AFAP1: variants seen among roughly 807,000 people sequenced by gnomAD.
AFAP1 encodes the protein actin filament-associated protein 1.
AFAP1 carries 75 observed loss-of-function variants against 93.9 expected under a neutral mutation model. The ratio of observed to expected loss-of-function variants is 0.80; its 90% confidence interval spans 0.66 to 0.97. AFAP1 has a LOEUF of 0.97. Among genes scored for constraint, AFAP1 ranks in the 50% least tolerant of loss-of-function variants. The pLI is 0.00. For missense variants in AFAP1, 1,201 were observed against 1,050.8 expected (o/e 1.14, Z -1.98); for synonymous variants, 517 against 430.7 (o/e 1.20, Z -2.48).
At chr4:7,818,142 A>T (rs1720647811) in intron 7 of AFAP1, among the ~76,000 whole-genome samples, 1 of 152,130 alleles carries the variant, frequency 6.6e-6, no homozygotes, top group Non-Finnish European at 1.5e-5. Context: ...GCCTCCTCCA[A>T]TCATTTCAGG....
rs530346772 is a variant in AFAP1 at position 7,851,469 on chromosome 4, A to C, written c.334+3997T>G. On this transcript the variant is annotated intron_variant, in intron 4 of 17. Transcript: ENST00000420658. ...GGAATATGATTAAAAAACAGGTAACAAACAACTGGTCTGCAGAAGATGCTG... is the reference window on the plus strand; with the variant it reads ...GGAATATGATTAAAAAACAGGTAACCAACAACTGGTCTGCAGAAGATGCTG... Among the ~76,000 whole-genome samples, 8 of 152,306 alleles carry C rather than the reference A, an allele frequency of 5.3e-5. No individual in the cohort carries two copies. The South Asian group carries it at 8.3e-4, about 16-fold the overall frequency.
At chr4:7,869,804 G>A (rs1283129955) in intron 2 of AFAP1, among the ~76,000 whole-genome samples, 1 of 151,914 alleles carries the variant, frequency 6.6e-6, no homozygotes, top group Non-Finnish European at 1.5e-5. Context: ...AACTTCGTTA[G>A]AGAACTGCAA....
intron 1 of AFAP1, among the ~76,000 whole-genome samples, chr4:7,898,267 G>A (rs889084852): frequency 6.6e-6 from 1 of 152,250 alleles, no homozygotes; most frequent in Admixed American, 6.5e-5. Context: ...AATTAGCCGA[G>A]CATGGTGGTA....
At position 7,763,441 on chromosome 4, in the gene AFAP1, T is replaced by A. The variant is rs1030172814; in HGVS notation, c.*324A>T. The A allele has an allele frequency of 3.2e-6, 1 of 310,878 alleles. No individual in the cohort carries two copies. Among genetic ancestry groups the A allele is most frequent in the Non-Finnish European group, 5.9e-6 (1 of 168,630 alleles). 19.3% of individuals were successfully genotyped at this position (310,878 alleles called of 1,614,324 possible). A position where few individuals can be genotyped will look rare whatever the true frequency, so the allele number is the denominator to read the frequency against. On this transcript the variant is annotated 3_prime_UTR_variant, in exon 18 of 18. Transcript: ENST00000420658. Reference sequence around the variant, plus strand: ...CATCCATCCTCAGTCCAGGGCTGGGTTGGAATCGGTGAAAGCAATGGCCTA... The same window carrying A: ...CATCCATCCTCAGTCCAGGGCTGGGATGGAATCGGTGAAAGCAATGGCCTA...
intron 15 of AFAP1, chr4:7,773,305 T>G: frequency 2.8e-6 from 1 of 359,826 alleles, no homozygotes; most frequent in East Asian, 5.8e-5. Context: ...TTTTAAAACG[T>G]GGACCCTAAA....
intron 5 of AFAP1, among the ~76,000 whole-genome samples, chr4:7,840,520 G>A (rs1712886963): frequency 6.6e-6 from 1 of 152,050 alleles, no homozygotes; most frequent in Non-Finnish European, 1.5e-5. Flanking sequence ...CACCAGATTG[G>A]CCAGGCTGGT....
intron 1 of AFAP1, among the ~76,000 whole-genome samples, chr4:7,932,099 C>T (rs1034442612): frequency 1.3e-5 from 2 of 151,936 alleles, no homozygotes; most frequent in African/African-American, 4.8e-5. Flanking sequence ...ACCTCGTGAT[C>T]CACCCTCCTA....
intron 3 of AFAP1, among the ~76,000 whole-genome samples, chr4:7,858,696 C>A (rs965631162): frequency 1.3e-5 from 2 of 152,180 alleles, no homozygotes; most frequent in African/African-American, 4.8e-5. Flanking sequence ...AGGCGCACAG[C>A]CACTCACATC....
At chr4:7,844,533 C>G (rs998401712) in intron 4 of AFAP1, among the ~76,000 whole-genome samples, 2 of 152,292 alleles carry the variant, frequency 1.3e-5, no homozygotes, top group East Asian at 3.9e-4. Flanking sequence ...CAGAGCGGAT[C>G]GCAGCACACC....
At chr4:7,901,395 C>T (rs1429008249) in intron 1 of AFAP1, among the ~76,000 whole-genome samples, 4 of 152,232 alleles carry the variant, frequency 2.6e-5, no homozygotes, top group South Asian at 2.1e-4. Flanking sequence ...GATAAAGACG[C>T]CTCCATCACC....
intron 1 of AFAP1, among the ~76,000 whole-genome samples, chr4:7,928,826 G>T (rs17177064): frequency 6.6e-6 from 1 of 152,088 alleles, no homozygotes; most frequent in African/African-American, 2.4e-5. Flanking sequence ...CAATGGCCGC[G>T]GTGTTCCCCA....
chr4:7,850,557 C>T (rs929647810), intron 4 of AFAP1, among the ~76,000 whole-genome samples: 4 of 152,244 alleles, frequency 2.6e-5, no homozygotes, highest in African/African-American at 4.8e-5. Context: ...CTAACTGGAA[C>T]GCCACTTCCA....
intron 1 of AFAP1, among the ~76,000 whole-genome samples, chr4:7,915,776 C>T (rs1720053948): frequency 1.3e-5 from 2 of 152,262 alleles, no homozygotes; most frequent in African/African-American, 4.8e-5. Context: ...GCGGCAAGCC[C>T]CTCAATGGAG....
chr4:7,871,414 G>A (rs964707003), intron 2 of AFAP1, among the ~76,000 whole-genome samples: 9 of 152,110 alleles, frequency 5.9e-5, no homozygotes, highest in East Asian at 1.9e-4. Context: ...CTAGAGGACC[G>A]GACCCAAGTA....
At chr4:7,823,548 G>T (rs1032785493) in intron 6 of AFAP1, among the ~76,000 whole-genome samples, 2 of 152,054 alleles carry the variant, frequency 1.3e-5, no homozygotes, top group South Asian at 2.1e-4. Context: ...TGGCAGACTC[G>T]CCTGGTCCCT....
At chr4:7,766,608 G>A (rs1354691217) in intron 17 of AFAP1, among the ~76,000 whole-genome samples, 1 of 130,920 alleles carries the variant, frequency 7.6e-6, no homozygotes, top group Non-Finnish European at 1.7e-5. Flanking sequence ...GAGGGAAACA[G>A]AATCTCCAGG....
intron 13 of AFAP1, among the ~76,000 whole-genome samples, chr4:7,780,937 C>T (rs1399636569): frequency 6.6e-6 from 1 of 152,136 alleles, no homozygotes; most frequent in Non-Finnish European, 1.5e-5. Context: ...AACACTACCA[C>T]ACTCTGAATA....
intron 1 of AFAP1, among the ~76,000 whole-genome samples, chr4:7,885,553 G>A (rs1318608985): frequency 2.0e-5 from 3 of 152,212 alleles, no homozygotes; most frequent in African/African-American, 7.2e-5. Context: ...TGGAAGACAG[G>A]GACCACTGTG....
chr4:7,778,730 C>T, intron 14 of AFAP1, 32 bp downstream of exon 14: 1 of 1,599,068 alleles, frequency 6.3e-7, no homozygotes, highest in Non-Finnish European at 8.6e-7. Flanking sequence ...GCACTTGAAG[C>T]CGGAATGCAA....
Sources: allele counts gnomAD v4.1 joint callset (sites outside exome capture counted in the v4.1 genomes callset), GRCh38; gene constraint gnomAD v4.1.1; transcripts MANE v1.5; gene names NCBI Gene and HGNC (gene_info 2026-07-23, HGNC 2026-07-21).